The following VAT1L variants were observed in gnomAD, a reference collection of about 807,000 sequenced individuals.
The protein encoded by VAT1L is putative NADPH-dependent quinone oxidoreductase VAT1L.
In VAT1L, 34 loss-of-function variants were observed where a neutral mutation model predicts 44.1. The observed-to-expected ratio is 0.77, with a 90% confidence interval of 0.59 to 1.03. The LOEUF (loss-of-function observed/expected upper bound fraction) is 1.03. Among genes scored for constraint, VAT1L ranks in the 50% least tolerant of loss-of-function variants. The pLI is 0.00. For missense variants in VAT1L, 615 were observed against 538.8 expected, an observed-to-expected ratio of 1.14 and a Z score of -1.40; for synonymous variants, 253 against 202.2, an observed-to-expected ratio of 1.25 and a Z score of -2.13.
intron 1 of VAT1L, among the ~76,000 whole-genome samples, chr16:77,815,282 G>A (rs1393851486): frequency 3.3e-5 from 5 of 152,174 alleles, no homozygotes; most frequent in Non-Finnish European, 7.3e-5. Context: ...GAAGGAATTA[G>A]CACTCAAACT....
At chr16:77,833,759 A>G (rs2145253580) in intron 3 of VAT1L, among the ~76,000 whole-genome samples, 1 of 152,066 alleles carries the variant, frequency 6.6e-6, no homozygotes, top group East Asian at 1.9e-4. Context: ...CAAAAAAAAA[A>G]GAAAAAGAAA....
chr16:77,802,484 A>G (rs978068486), intron 1 of VAT1L, among the ~76,000 whole-genome samples: 8 of 151,998 alleles, frequency 5.3e-5, no homozygotes, highest in African/African-American at 9.7e-5. Context: ...GTGTGGTGGC[A>G]GGCGCCTGTA....
At chr16:77,895,235 G>A (rs142770583) in intron 7 of VAT1L, among the ~76,000 whole-genome samples, 52 of 152,182 alleles carry the variant, frequency 3.4e-4, no homozygotes, top group Non-Finnish European at 6.3e-4. Context: ...ACCCAGCTCT[G>A]CTCTGAGCTG....
Position 77,817,133 on chromosome 16 carries a change from G to C in VAT1L, c.363+83G>C, listed in dbSNP as rs1597177179. ...AAAGATGATGCAGAAAGAAATGTCT[G>C]AAATAACCTATGGCGTGCATTATTA... On this transcript the variant is annotated intron_variant, in intron 2 of 8. Coordinates refer to ENST00000302536, the MANE Select transcript of VAT1L (RefSeq NM_020927.3). 8.4e-6 allele frequency: 13 copies of C among 1,546,676 alleles called. No homozygotes were observed. The East Asian group carries it at 1.6e-4, about 19-fold the overall frequency.
intron 1 of VAT1L, among the ~76,000 whole-genome samples, chr16:77,797,491 G>T (rs1028708585): frequency 5.9e-5 from 9 of 152,252 alleles, no homozygotes; most frequent in African/African-American, 2.2e-4. Flanking sequence ...ATCTATTGCT[G>T]CCCTCCCACC....
chr16:77,965,078 C>A (rs945581219), intron 7 of VAT1L, among the ~76,000 whole-genome samples: 2 of 150,238 alleles, frequency 1.3e-5, no homozygotes, highest in Non-Finnish European at 3.0e-5. Flanking sequence ...GCATGAGCCA[C>A]CCCGGCTGCC....
At chr16:77,971,816 A>C (rs376314768) in intron 7 of VAT1L, 34 bp from the exon 8 acceptor site, 12 of 1,603,636 alleles carry the variant, frequency 7.5e-6, no homozygotes, top group Middle Eastern at 3.3e-4. Flanking sequence ...CATCTCGCCT[A>C]ACCAGCACCT....
In VAT1L at chr16:77,825,418, G is replaced by A. The variant is rs946916427; in HGVS notation, c.536G>A (p.Arg179Gln). ...ATGCTGTTTGAAGTTGCCAACCTCC[G>A]GGAAGGGATGTCTGTGCTCGTGCAC... ...YVMLFEVANL[R>Q]EGMSVLVHSA... Residue 179 changes from arginine (R) to glutamine (Q), a missense_variant, in exon 3 of 9, where the codon CGG (arginine) becomes CAG (glutamine). Coordinates refer to ENST00000302536, the MANE Select transcript of VAT1L (RefSeq NM_020927.3). 1.3e-5 allele frequency: 21 copies of A among 1,608,256 alleles called. No individual in the cohort carries two copies. The highest frequency in any genetic ancestry group is 3.4e-4 in the Middle Eastern group (2 of 5,848).
At chr16:77,944,697 A>G (rs989253910) in intron 7 of VAT1L, among the ~76,000 whole-genome samples, 1 of 152,188 alleles carries the variant, frequency 6.6e-6, no homozygotes, top group African/African-American at 2.4e-5. Flanking sequence ...TACTCTTGCT[A>G]TTATACTGCC....
chr16:77,979,817 C>G lies in VAT1L; in HGVS notation c.*2122C>G, dbSNP rs918773947. On this transcript the variant is annotated 3_prime_UTR_variant, in exon 9 of 9. Transcript: ENST00000302536. ...GAAAACTAGAGTTTGACCAATAAGA[C>G]CAATTTCTGCCATGAAGAACCGGGG... 1 of 152,634 alleles carries G rather than the reference C, an allele frequency of 6.6e-6. No homozygotes were observed. The highest frequency in any genetic ancestry group is 1.5e-5 in the Non-Finnish European group (1 of 68,042). 9.5% of individuals were successfully genotyped at this position (152,634 alleles called of 1,614,324 possible). A position where few individuals can be genotyped will look rare whatever the true frequency, so the allele number is the denominator to read the frequency against.
intron 8 of VAT1L, among the ~76,000 whole-genome samples, chr16:77,976,871 T>A (rs762349642): frequency 2.0e-5 from 3 of 152,194 alleles, no homozygotes; most frequent in Non-Finnish European, 2.9e-5. Context: ...AATCCCTGTC[T>A]TCCCAGAAAC....
chr16:77,844,408 A>G (rs369385016), intron 3 of VAT1L, among the ~76,000 whole-genome samples: 1 of 151,222 alleles, frequency 6.6e-6, no homozygotes, highest in African/African-American at 2.4e-5. Flanking sequence ...TTTATTTTTT[A>G]TTTTTTTTTA....
At chr16:77,940,578 C>T (rs2017869602) in intron 7 of VAT1L, among the ~76,000 whole-genome samples, 2 of 151,942 alleles carry the variant, frequency 1.3e-5, no homozygotes, top group South Asian at 2.1e-4. Flanking sequence ...CTCCTGACCA[C>T]GTGATCCGCC....
intron 7 of VAT1L, among the ~76,000 whole-genome samples, chr16:77,896,836 T>C (rs957324705): frequency 6.6e-6 from 1 of 152,210 alleles, no homozygotes; most frequent in Non-Finnish European, 1.5e-5. Context: ...CGTCCTTGCC[T>C]TTACGCCTGT....
chr16:77,904,857 C>T (rs1435415064), intron 7 of VAT1L, among the ~76,000 whole-genome samples: 1 of 152,072 alleles, frequency 6.6e-6, no homozygotes, highest in Non-Finnish European at 1.5e-5. Flanking sequence ...CACATGGTTG[C>T]ACTTCATTGT....
At chr16:77,837,464 G>A (rs2016651816) in intron 3 of VAT1L, among the ~76,000 whole-genome samples, 2 of 152,202 alleles carry the variant, frequency 1.3e-5, no homozygotes, top group African/African-American at 2.4e-5. Context: ...TCAGGCTGCT[G>A]TGTTCGTGAA....
At chr16:77,806,133 G>C (rs191636322) in intron 1 of VAT1L, among the ~76,000 whole-genome samples, 6 of 151,986 alleles carry the variant, frequency 3.9e-5, no homozygotes, top group Non-Finnish European at 1.5e-5. Flanking sequence ...AAAGTGCTGG[G>C]ATTACAGGCC....
chr16:77,828,108 T>C (rs1394054383), intron 3 of VAT1L, among the ~76,000 whole-genome samples: 1 of 152,134 alleles, frequency 6.6e-6, no homozygotes, highest in Non-Finnish European at 1.5e-5. Flanking sequence ...AAGAGATTTT[T>C]GGCAAAGTGC....
rs35017686 is a variant in VAT1L, at chr16:77,975,194, C to CTTTTTTTTTTTTTTT, written c.1162-2383_1162-2369dup. ...GTGCTTTCTCCTACTGGAATGACCA[C>CTTTTTTTTTTTTTTT]TTTTTTTTTTTTTTTTTTTTTTTTT... On this transcript the variant is annotated intron_variant, in intron 8 of 8. Transcript: ENST00000302536. Among the ~76,000 whole-genome samples the CTTTTTTTTTTTTTTT allele has an allele frequency of 2.0e-3, 80 of 39,856 alleles. 5 individuals are homozygous for CTTTTTTTTTTTTTTT. The highest frequency in any genetic ancestry group is 2.7e-3 in the Non-Finnish European group (63 of 23,710). The allele number at this position is 39,856 out of a possible 152,430, so 26.1% of individuals were successfully genotyped here.
Sources: gnomAD v4.1 joint callset for allele counts (sites outside exome capture counted in the v4.1 genomes callset) on GRCh38, gnomAD v4.1.1 for gene constraint, MANE v1.5 for transcripts, NCBI Gene and HGNC (gene_info 2026-07-23, HGNC 2026-07-21) for gene names.